Variants in KCND3 observed in about 807,000 individuals in gnomAD.
KCND3 encodes the protein A-type voltage-gated potassium channel KCND3.
In KCND3, 9 loss-of-function variants were observed where a neutral mutation model predicts 51.1. The ratio of observed to expected loss-of-function variants is 0.18; its 90% CI spans 0.11 to 0.31. The LOEUF (loss-of-function observed/expected upper bound fraction) is 0.31, where lower values mean the gene tolerates loss of function less well. KCND3 is among the 10% of genes least tolerant of loss of function. KCND3 has a pLI of 1.00. For synonymous variants in KCND3, 349 were observed against 368.0 expected (o/e 0.95, Z 0.59); for missense variants, 526 against 903.8 (o/e 0.58, Z 5.36).
At chr1:111,891,248 A>T (rs987124947) in intron 2 of KCND3, among the ~76,000 whole-genome samples, 1 of 152,230 alleles carries the variant, frequency 6.6e-6, no homozygotes, top group Non-Finnish European at 1.5e-5. Context: ...TTACAAAGAA[A>T]AAAGGAAGAG....
intron 2 of KCND3, among the ~76,000 whole-genome samples, chr1:111,967,142 AAAAAAAAAAAACAAAAAC>A (rs1301190099): frequency 4.5e-4 from 68 of 149,856 alleles, no homozygotes; most frequent in Admixed American, 4.4e-3. Flanking sequence ...TTCCGTCTCA[AAAAAAAAAAAACAAAAAC>A]AAAAAAAAAA....
intron 2 of KCND3, among the ~76,000 whole-genome samples, chr1:111,798,783 C>T (rs986028509): frequency 2.0e-5 from 3 of 150,184 alleles, no homozygotes; most frequent in African/African-American, 4.9e-5. Context: ...ACTGCTGACT[C>T]GGCATACTGG....
intron 2 of KCND3, among the ~76,000 whole-genome samples, chr1:111,817,427 A>G (rs1280416199): frequency 6.6e-6 from 1 of 152,250 alleles, no homozygotes; most frequent in Non-Finnish European, 1.5e-5. Context: ...AGTGTCACTC[A>G]GTAGTAAATG....
intron 2 of KCND3, among the ~76,000 whole-genome samples, chr1:111,808,607 A>G (rs569230230): frequency 6.6e-6 from 1 of 152,234 alleles, no homozygotes; most frequent in East Asian, 1.9e-4. Context: ...CACAATAAAT[A>G]CCTCAGTGTT....
At chr1:111,874,679 A>T (rs1668971001) in intron 2 of KCND3, among the ~76,000 whole-genome samples, 1 of 152,176 alleles carries the variant, frequency 6.6e-6, no homozygotes, top group South Asian at 2.1e-4. Flanking sequence ...CAAGGAGGTG[A>T]ACTCGTCAAT....
At chr1:111,810,432 C>G (rs532950170) in intron 2 of KCND3, among the ~76,000 whole-genome samples, 1 of 152,340 alleles carries the variant, frequency 6.6e-6, no homozygotes, top group South Asian at 2.1e-4. Context: ...CTCCATCCCT[C>G]CAGTTTGCCC....
chr1:111,895,088 G>A (rs1487119128), intron 2 of KCND3, among the ~76,000 whole-genome samples: 2 of 150,162 alleles, frequency 1.3e-5, no homozygotes, highest in Non-Finnish European at 3.0e-5. Flanking sequence ...AGGGAGGACA[G>A]GGTGAGAGGA....
intron 2 of KCND3, among the ~76,000 whole-genome samples, chr1:111,804,621 A>T (rs896358027): frequency 4.6e-5 from 7 of 152,196 alleles, no homozygotes; most frequent in African/African-American, 1.4e-4. Flanking sequence ...GCCCTGCTCC[A>T]CTGCTGGGGA....
intron 1 of KCND3, among the ~76,000 whole-genome samples, chr1:111,988,268 G>A (rs1675402038): frequency 6.6e-6 from 1 of 152,174 alleles, no homozygotes; most frequent in African/African-American, 2.4e-5. Context: ...CTGACAAGGT[G>A]AACCAAGCTG....
At chr1:111,883,903 C>T (rs566451843) in intron 2 of KCND3, among the ~76,000 whole-genome samples, 69 of 152,310 alleles carry the variant, frequency 4.5e-4, no homozygotes, top group Middle Eastern at 3.4e-3. Context: ...GTATTGCTTT[C>T]TCCATTCTTA....
intron 2 of KCND3, among the ~76,000 whole-genome samples, chr1:111,883,070 C>A (rs776615838): frequency 6.6e-6 from 1 of 152,206 alleles, no homozygotes; most frequent in Admixed American, 6.5e-5. Context: ...GTAATAATGG[C>A]TTCCCATTGC....
At chr1:111,869,585 G>A (rs571750565) in intron 2 of KCND3, among the ~76,000 whole-genome samples, 1 of 152,284 alleles carries the variant, frequency 6.6e-6, no homozygotes, top group East Asian at 1.9e-4. Context: ...CAGTTGGGAA[G>A]GAAGAGAGAA....
intron 2 of KCND3, among the ~76,000 whole-genome samples, chr1:111,850,938 T>G (rs1667788321): frequency 6.6e-6 from 1 of 152,152 alleles, no homozygotes; most frequent in African/African-American, 2.4e-5. Flanking sequence ...GGCACTTAGG[T>G]TTCTCCTCAA....
chr1:111,967,144 A>C (rs1674043089), intron 2 of KCND3, among the ~76,000 whole-genome samples: 1 of 151,260 alleles, frequency 6.6e-6, no homozygotes. Context: ...CCGTCTCAAA[A>C]AAAAAAAAAC....
intron 2 of KCND3, among the ~76,000 whole-genome samples, chr1:111,971,962 G>A (rs1674350980): frequency 6.6e-6 from 1 of 152,148 alleles, no homozygotes; most frequent in Non-Finnish European, 1.5e-5. Context: ...TCTTCTGGCT[G>A]ACTTTCCTGT....
intron 2 of KCND3, among the ~76,000 whole-genome samples, chr1:111,933,063 C>T (rs1476117672): frequency 2.0e-5 from 3 of 152,140 alleles, no homozygotes; most frequent in Non-Finnish European, 4.4e-5. Context: ...ATTATGGGGG[C>T]GGTTTCCCCC....
rs971045929 is a variant in KCND3 at position 111,775,993 on chromosome 1, G to C, written c.*84C>G. On this transcript the variant is annotated 3_prime_UTR_variant, in exon 8 of 8. Coordinates refer to ENST00000302127, the MANE Select transcript of KCND3 (RefSeq NM_001378969.1). Reference sequence around the variant, plus strand: ...AGGCAGAAATAGTGGGGAAAGGGGGGAGGGAGTGGTCTCAGTGACCACCCA... The same window carrying C: ...AGGCAGAAATAGTGGGGAAAGGGGGCAGGGAGTGGTCTCAGTGACCACCCA... 1 of 1,381,384 alleles carries C rather than the reference G, an allele frequency of 7.2e-7. No homozygotes were observed. Among genetic ancestry groups the C allele is most frequent in the African/African-American group, 1.4e-5 (1 of 70,370 alleles). 85.6% of individuals were successfully genotyped at this position (1,381,384 alleles called of 1,614,324 possible).
intron 2 of KCND3, among the ~76,000 whole-genome samples, chr1:111,888,430 G>T (rs1669665356): frequency 6.6e-6 from 1 of 152,114 alleles, no homozygotes; most frequent in Non-Finnish European, 1.5e-5. Context: ...TCACGCCTGT[G>T]ATCCCAGCAC....
chr1:111,849,657 G>A (rs1319377284), intron 2 of KCND3, among the ~76,000 whole-genome samples: 1 of 152,242 alleles, frequency 6.6e-6, no homozygotes, highest in Non-Finnish European at 1.5e-5. Flanking sequence ...TGGCTGAGAA[G>A]GGGCTGAAAT....
Sources: gnomAD v4.1 joint callset for allele counts (sites outside exome capture counted in the v4.1 genomes callset) on GRCh38, gnomAD v4.1.1 for gene constraint, MANE v1.5 for transcripts, NCBI Gene and HGNC (gene_info 2026-07-23, HGNC 2026-07-21) for gene names.